Variants in STK3 observed in about 807,000 individuals in gnomAD.
STK3 encodes the protein serine/threonine-protein kinase 3.
STK3 carries 41 observed loss-of-function variants against 58.0 expected under a neutral mutation model. The observed-to-expected ratio is 0.71, with a 90% CI of 0.55 to 0.92. The LOEUF is 0.92. Ranked by LOEUF, STK3 falls within the 40% of genes least tolerant of loss-of-function variation. The pLI, the probability that STK3 is intolerant of heterozygous loss-of-function variation, is 0.00. For synonymous variants in STK3, 170 were observed against 191.0 expected, an observed-to-expected ratio of 0.89 and a Z score of 0.91; for missense variants, 479 against 602.7, an observed-to-expected ratio of 0.79 and a Z score of 2.15.
At chr8:98,486,735 A>C (rs1283150286) in intron 10 of STK3, among the ~76,000 whole-genome samples, 2 of 152,220 alleles carry the variant, frequency 1.3e-5, no homozygotes, top group Non-Finnish European at 2.9e-5. Context: ...TACTTGAAAG[A>C]AAGCCAGATA....
At chr8:98,401,821 G>A in intron 3 of STK3, among the ~76,000 whole-genome samples, 1 of 152,060 alleles carries the variant, frequency 6.6e-6, no homozygotes, top group South Asian at 2.1e-4. Flanking sequence ...GTTCCCTCAA[G>A]TGCCTAATCC....
intron 6 of STK3, among the ~76,000 whole-genome samples, chr8:98,679,366 T>C (rs1286699145): frequency 6.6e-6 from 1 of 152,146 alleles, no homozygotes; most frequent in East Asian, 1.9e-4. Flanking sequence ...GATACCCTCA[T>C]TTTCTTCAGC....
chr8:98,685,626 A>T (rs1473142219), intron 6 of STK3, among the ~76,000 whole-genome samples: 1 of 152,096 alleles, frequency 6.6e-6, no homozygotes, highest in Non-Finnish European at 1.5e-5. Flanking sequence ...TTTCAAATGG[A>T]GTAAAAATCC....
intron 3 of STK3, among the ~76,000 whole-genome samples, chr8:98,877,492 G>T (rs564101971): frequency 6.6e-5 from 10 of 151,534 alleles, no homozygotes; most frequent in South Asian, 2.1e-4. Flanking sequence ...TGTTTTTTTG[G>T]TTTTTTTTGA....
At chr8:98,543,879 A>C (rs1028310919) in intron 9 of STK3, among the ~76,000 whole-genome samples, 17 of 152,302 alleles carry the variant, frequency 1.1e-4, no homozygotes, top group Middle Eastern at 3.4e-3. Flanking sequence ...TAGCCAGGGT[A>C]AAGATGCAGA....
At chr8:98,618,124 T>C (rs916661397) in intron 6 of STK3, among the ~76,000 whole-genome samples, 12 of 151,850 alleles carry the variant, frequency 7.9e-5, no homozygotes, top group Non-Finnish European at 1.2e-4. Context: ...CATGATCAAG[T>C]GGGCTTCATC....
chr8:98,559,742 C>T (rs976292267), intron 8 of STK3, among the ~76,000 whole-genome samples: 2 of 152,106 alleles, frequency 1.3e-5, no homozygotes, highest in African/African-American at 4.8e-5. Flanking sequence ...GGAGAGAATA[C>T]TGCTGGAGAA....
At chr8:98,745,331 C>T (rs1163811916) in intron 4 of STK3, among the ~76,000 whole-genome samples, 1 of 152,198 alleles carries the variant, frequency 6.6e-6, no homozygotes, top group East Asian at 1.9e-4. Context: ...CTTCAGCTCT[C>T]AGCTCCCTTA....
chr8:98,376,343 T>C (rs1488228924), intron 2 of STK3, among the ~76,000 whole-genome samples: 3 of 152,340 alleles, frequency 2.0e-5, no homozygotes, highest in African/African-American at 7.2e-5. Flanking sequence ...GATGCGTGAT[T>C]TGCAAATATT....
chr8:98,671,175 G>C (rs560089369), intron 6 of STK3, among the ~76,000 whole-genome samples: 1 of 151,534 alleles, frequency 6.6e-6, no homozygotes, highest in Admixed American at 6.5e-5. Flanking sequence ...TGTGGGATAA[G>C]AACCTTCTCT....
At chr8:98,360,313 T>C in the STK3 span, among the ~76,000 whole-genome samples, 1 of 152,212 alleles carries the variant, frequency 6.6e-6, no homozygotes, top group African/African-American at 2.4e-5. Flanking sequence ...ATTTGCACAC[T>C]GTGTGTAACT....
intron 6 of STK3, among the ~76,000 whole-genome samples, chr8:98,673,461 A>G (rs1221467919): frequency 2.6e-5 from 4 of 152,248 alleles, no homozygotes; most frequent in African/African-American, 9.6e-5. Context: ...TGCGTGCTAC[A>G]ACATAAATGA....
At chr8:98,899,737 C>A (rs1164695619) in intron 1 of STK3, among the ~76,000 whole-genome samples, 1 of 152,094 alleles carries the variant, frequency 6.6e-6, no homozygotes, top group Non-Finnish European at 1.5e-5. Context: ...TTTACAAGAA[C>A]CCTGGGAGGT....
At chr8:98,776,486 G>A (rs773942841) in intron 1 of STK3, among the ~76,000 whole-genome samples, 5 of 152,182 alleles carry the variant, frequency 3.3e-5, no homozygotes, top group African/African-American at 4.8e-5. Flanking sequence ...AATTCAGCAA[G>A]TGAGCAGGGT....
chr8:98,873,268 C>T (rs554939008), intron 3 of STK3, among the ~76,000 whole-genome samples: 1 of 152,240 alleles, frequency 6.6e-6, no homozygotes, highest in Admixed American at 6.5e-5. Context: ...ACTACGTGGT[C>T]AATTTTGGAA....
chr8:98,418,741 T>C (rs1260428490), intron 3 of STK3, among the ~76,000 whole-genome samples: 1 of 152,012 alleles, frequency 6.6e-6, no homozygotes, highest in Non-Finnish European at 1.5e-5. Context: ...CGGGGTGGGT[T>C]TTTGGAGCAG....
chr8:98,392,957 G>T (rs1817862053), upstream of STK3, among the ~76,000 whole-genome samples: 1 of 152,162 alleles, frequency 6.6e-6, no homozygotes, highest in Non-Finnish European at 1.5e-5. Flanking sequence ...CTAGCACTCA[G>T]ATGGGCCTCT....
At position 98,566,441 on chromosome 8, in the gene STK3, T is replaced by C. The variant is rs570044159; in HGVS notation, c.948+13223A>G. On this transcript the variant is annotated intron_variant, in intron 8 of 10. Transcript: ENST00000419617. ...TCTTTATATTGTTATAACCCATACA[T>C]TTTCTGAAAATTATGTTAAGAATGC... 7.2e-4 allele frequency among the ~76,000 whole-genome samples: 109 copies of C among 152,190 alleles called. 1 individual carries two copies. The highest frequency in any genetic ancestry group is 2.6e-3 in the African/African-American group (108 of 41,524).
At chr8:98,841,177 T>C (rs1835966345) in intron 3 of STK3, among the ~76,000 whole-genome samples, 1 of 152,184 alleles carries the variant, frequency 6.6e-6, no homozygotes, top group Non-Finnish European at 1.5e-5. Context: ...CCTATTATTT[T>C]TTTCTCTGTT....
Sources: allele counts gnomAD v4.1 joint callset (sites outside exome capture counted in the v4.1 genomes callset), GRCh38; gene constraint gnomAD v4.1.1; transcripts MANE v1.5; gene names NCBI Gene and HGNC (gene_info 2026-07-23, HGNC 2026-07-21).